The following ROBO2 variants were observed in gnomAD, a reference collection of about 807,000 sequenced individuals.
ROBO2 encodes the protein roundabout guidance receptor 2, also known as roundabout homolog 2.
Under a neutral mutation model 160.8 loss-of-function variants are expected in ROBO2, and 53 were observed. That is an observed-to-expected ratio of 0.33 (90% CI 0.26 to 0.41). The LOEUF (loss-of-function observed/expected upper bound fraction) is 0.41, where lower values mean the gene tolerates loss of function less well. Among genes scored for constraint, ROBO2 ranks in the 10% least tolerant of loss-of-function variants. The pLI, the probability that ROBO2 is intolerant of heterozygous loss-of-function variation, is 1.00. For missense variants in ROBO2, 1,577 were observed against 1,722.4 expected (o/e 0.92, Z 1.49); for synonymous variants, 664 against 611.7 (o/e 1.09, Z -1.26).
At chr3:77,611,203 C>T (rs995033393) in intron 21 of ROBO2, among the ~76,000 whole-genome samples, 3 of 150,932 alleles carry the variant, frequency 2.0e-5, no homozygotes. Context: ...GAGGCTGAGG[C>T]AGGAGAATGG....
At chr3:76,828,490 G>A (rs2066777823) in intron 2 of ROBO2, among the ~76,000 whole-genome samples, 2 of 152,116 alleles carry the variant, frequency 1.3e-5, no homozygotes, top group Admixed American at 6.6e-5. Flanking sequence ...TATGGAAAGA[G>A]AGTGAATGCT....
intron 2 of ROBO2, among the ~76,000 whole-genome samples, chr3:76,006,281 G>A (rs2066017795): frequency 6.6e-6 from 1 of 152,120 alleles, no homozygotes; most frequent in African/African-American, 2.4e-5. Context: ...ATAGCAGAAA[G>A]GGTGAGTGCT....
At chr3:76,991,599 C>A (rs951146116) in intron 2 of ROBO2, among the ~76,000 whole-genome samples, 2 of 152,048 alleles carry the variant, frequency 1.3e-5, no homozygotes, top group Admixed American at 6.6e-5. Flanking sequence ...ACTTTCATTA[C>A]GTTTTGAAGA....
At chr3:77,159,674 G>A (rs1266832736) in intron 2 of ROBO2, among the ~76,000 whole-genome samples, 1 of 152,084 alleles carries the variant, frequency 6.6e-6, no homozygotes, top group Non-Finnish European at 1.5e-5. Context: ...AGTAATTTTT[G>A]TCTTTAGTCT....
intron 2 of ROBO2, among the ~76,000 whole-genome samples, chr3:77,305,448 C>T (rs980005388): frequency 3.3e-5 from 5 of 152,182 alleles, no homozygotes; most frequent in African/African-American, 1.2e-4. Context: ...CATCAGCAAT[C>T]TAAGCTGACA....
intron 2 of ROBO2, among the ~76,000 whole-genome samples, chr3:76,075,545 A>C (rs1316767002): frequency 2.0e-5 from 3 of 151,564 alleles, no homozygotes; most frequent in Non-Finnish European, 4.4e-5. Flanking sequence ...TATTTGCAAA[A>C]CTAATTTAAA....
chr3:76,707,739 A>G (rs987498653), intron 2 of ROBO2, among the ~76,000 whole-genome samples: 1,263 of 54,876 alleles, frequency 0.023, 33 homozygotes, highest in African/African-American at 0.059. Context: ...GTGTATATAT[A>G]TATATATATA....
intron 2 of ROBO2, among the ~76,000 whole-genome samples, chr3:77,381,601 T>A (rs1370395520): frequency 6.6e-6 from 1 of 152,230 alleles, no homozygotes; most frequent in Non-Finnish European, 1.5e-5. Context: ...TGCAGTTCCC[T>A]TGAGGCATAT....
intron 2 of ROBO2, among the ~76,000 whole-genome samples, chr3:76,761,312 C>T (rs2061292690): frequency 1.3e-5 from 2 of 151,684 alleles, no homozygotes; most frequent in African/African-American, 4.8e-5. Context: ...CTGTTTCTCT[C>T]ATTTCTCATT....
At chr3:76,621,144 TC>T (rs144819832) in intron 2 of ROBO2, among the ~76,000 whole-genome samples, 54,537 of 140,918 alleles carry the variant, frequency 0.39, 10,365 homozygotes, top group Middle Eastern at 0.47. Flanking sequence ...TTTTTTTTTT[TC>T]AGGCAAGGGA....
intron 2 of ROBO2, among the ~76,000 whole-genome samples, chr3:77,234,182 G>A (rs1189809130): frequency 6.6e-6 from 1 of 152,076 alleles, no homozygotes; most frequent in Admixed American, 6.5e-5. Flanking sequence ...TCATTCCAGG[G>A]CAACGTCAAA....
rs144555375 is a variant in ROBO2 at position 76,018,488 on chromosome 3, G to T, written c.109+80886G>T. Among the ~76,000 whole-genome samples, 244 of 150,862 alleles carry T rather than the reference G, an allele frequency of 1.6e-3. 2 individuals are homozygous for T. Among genetic ancestry groups the T allele is most frequent in the African/African-American group, 5.7e-3 (233 of 41,172 alleles). ...TTTTATAATCGCATTTCTTCTGCTT[G>T]GTTTCTTATTTTTTCCCTAATATCT... On this transcript the variant is annotated intron_variant, in intron 2 of 26. Transcript: ENST00000487694.
intron 14 of ROBO2, among the ~76,000 whole-genome samples, chr3:77,576,623 G>A (rs968469043): frequency 6.6e-6 from 1 of 152,094 alleles, no homozygotes; most frequent in Non-Finnish European, 1.5e-5. Flanking sequence ...AAATCAGGAA[G>A]AGCTTCTCTC....
chr3:76,997,992 A>G (rs1319339172), intron 2 of ROBO2, among the ~76,000 whole-genome samples: 1 of 152,106 alleles, frequency 6.6e-6, no homozygotes, highest in Non-Finnish European at 1.5e-5. Flanking sequence ...ACAAAAGAAC[A>G]TAAATCCTCT....
intron 2 of ROBO2, among the ~76,000 whole-genome samples, chr3:76,240,499 G>A (rs1253646701): frequency 1.3e-5 from 2 of 152,164 alleles, no homozygotes; most frequent in Non-Finnish European, 2.9e-5. Flanking sequence ...TTTGAAGGGT[G>A]TGATGACATT....
At chr3:77,265,643 G>C (rs1029904820) in intron 2 of ROBO2, among the ~76,000 whole-genome samples, 1 of 151,966 alleles carries the variant, frequency 6.6e-6, no homozygotes, top group African/African-American at 2.4e-5. Flanking sequence ...CATTCCTATT[G>C]ACAATTTCAT....
chr3:76,782,835 T>C (rs762414588), intron 2 of ROBO2, among the ~76,000 whole-genome samples: 7 of 150,536 alleles, frequency 4.7e-5, no homozygotes, highest in Non-Finnish European at 1.0e-4. Flanking sequence ...TATATTTTGA[T>C]TGAAAAATTT....
rs897487207 is a variant in ROBO2 at position 77,374,024 on chromosome 3, G to T, written c.389-103390G>T. On this transcript the variant is annotated intron_variant, in intron 2 of 25. Coordinates refer to ENST00000461745, the Ensembl canonical transcript of ROBO2. ...ATCACTACTAAAAATAAAAAAATTG[G>T]CCAGGTGTGGTGGCGGGTGCCTGTA... Among the ~76,000 whole-genome samples the T allele has an allele frequency of 2.0e-5, 3 of 151,480 alleles. No individual in the cohort carries two copies. The East Asian group carries it at 5.8e-4, about 29-fold the overall frequency.
chr3:75,992,877 A>C (rs1419954617), intron 2 of ROBO2, among the ~76,000 whole-genome samples: 1 of 152,214 alleles, frequency 6.6e-6, no homozygotes, highest in East Asian at 1.9e-4. Context: ...TTGGAGCTTT[A>C]AGTTTTAACT....
Sources: allele counts gnomAD v4.1 joint callset (sites outside exome capture counted in the v4.1 genomes callset), GRCh38; gene constraint gnomAD v4.1.1; transcripts MANE v1.5; gene names NCBI Gene and HGNC (gene_info 2026-07-23, HGNC 2026-07-21).